The following PDE4B variants were observed in gnomAD, a reference collection of about 807,000 sequenced individuals.
PDE4B encodes the protein phosphodiesterase 4B, also known as 3',5'-cyclic-AMP phosphodiesterase 4B.
PDE4B carries 20 observed loss-of-function variants against 82.2 expected under a neutral mutation model. That is an observed-to-expected ratio of 0.24 (90% confidence interval 0.17 to 0.35). PDE4B has a LOEUF of 0.35. Among genes scored for constraint, PDE4B ranks in the 10% least tolerant of loss-of-function variants. PDE4B has a pLI of 1.00. For missense variants in PDE4B, 655 were observed against 907.2 expected (o/e 0.72, Z 3.57); for synonymous variants, 320 against 318.9 (o/e 1.00, Z -0.04).
intron 3 of PDE4B, among the ~76,000 whole-genome samples, chr1:66,037,016 C>T (rs559665903): frequency 4.6e-5 from 7 of 151,208 alleles, no homozygotes; most frequent in Admixed American, 2.0e-4. Flanking sequence ...ACCTGTAGTC[C>T]CAACTACTTG....
Position 66,105,584 on chromosome 1 carries a change from G to A in PDE4B, c.282-141876G>A, listed in dbSNP as rs976725291. 3.3e-5 allele frequency among the ~76,000 whole-genome samples: 5 copies of A among 152,100 alleles called. 1 individual carries two copies. The South Asian group carries it at 1.0e-3, about 32-fold the overall frequency. On this transcript the variant is annotated intron_variant, in intron 3 of 16. Coordinates refer to ENST00000341517, the MANE Select transcript of PDE4B (RefSeq NM_002600.4). ...TTCCTACCCATGAGCATGGAATGTTGTTCCATTTGTTGGTATCCTCTTTTA... is the reference window on the plus strand; with the variant it reads ...TTCCTACCCATGAGCATGGAATGTTATTCCATTTGTTGGTATCCTCTTTTA...
At chr1:65,849,436 A>G (rs1039316801) in intron 1 of PDE4B, among the ~76,000 whole-genome samples, 1 of 152,204 alleles carries the variant, frequency 6.6e-6, no homozygotes, top group Admixed American at 6.5e-5. Context: ...GTGCCAGGCT[A>G]GCAGTACTCC....
chr1:66,251,371 T>C (rs1466588807), intron 4 of PDE4B, among the ~76,000 whole-genome samples: 1 of 152,186 alleles, frequency 6.6e-6, no homozygotes, highest in African/African-American at 2.4e-5. Flanking sequence ...ACTATATGGA[T>C]ATCCAGTATG....
chr1:66,337,397 C>T (rs1890196), intron 8 of PDE4B, among the ~76,000 whole-genome samples: 68,667 of 152,044 alleles, frequency 0.45, 17,119 homozygotes, highest in East Asian at 0.81. Context: ...ACCCACTTCC[C>T]GGCCACACAA....
intron 3 of PDE4B, among the ~76,000 whole-genome samples, chr1:66,109,172 C>T (rs1645432221): frequency 6.6e-6 from 1 of 151,846 alleles, no homozygotes; most frequent in Non-Finnish European, 1.5e-5. Flanking sequence ...TAAAATAGAC[C>T]AACAGATGTT....
intron 3 of PDE4B, among the ~76,000 whole-genome samples, chr1:66,197,842 G>GA (rs965789150): frequency 1.1e-4 from 17 of 151,780 alleles, no homozygotes; most frequent in African/African-American, 2.9e-4. Context: ...TTGAGAGAGA[G>GA]AAAAAAAAGA....
At chr1:66,100,998 C>T (rs2101020606) in intron 3 of PDE4B, among the ~76,000 whole-genome samples, 1 of 152,182 alleles carries the variant, frequency 6.6e-6, no homozygotes, top group East Asian at 1.9e-4. Context: ...CACCCCACAA[C>T]AGGCCCCAGT....
intron 8 of PDE4B, among the ~76,000 whole-genome samples, chr1:66,340,890 A>G (rs999987564): frequency 3.3e-5 from 5 of 152,232 alleles, no homozygotes; most frequent in Non-Finnish European, 5.9e-5. Flanking sequence ...TATATAGGCT[A>G]TGCTAAAGCC....
At position 65,975,587 on chromosome 1, in the gene PDE4B, A is replaced by C. The variant is rs374094434; in HGVS notation, c.281+56752A>C. Among the ~76,000 whole-genome samples the C allele has an allele frequency of 1.6e-4, 25 of 152,302 alleles. No individual in the cohort carries two copies. The East Asian group carries it at 4.2e-3, about 26-fold the overall frequency. ...TTTCCAGGGCATTTCAGGGACCTTC[A>C]CTGCAGCTCCCATTACAGGCCCAGA... is the stretch of plus-strand genomic sequence containing the variant. On this transcript the variant is annotated intron_variant, in intron 3 of 16. Coordinates refer to ENST00000341517, the MANE Select transcript of PDE4B (RefSeq NM_002600.4).
intron 3 of PDE4B, among the ~76,000 whole-genome samples, chr1:66,107,398 C>A (rs893611066): frequency 2.0e-5 from 3 of 151,522 alleles, no homozygotes; most frequent in Non-Finnish European, 4.4e-5. Context: ...TGATGTCAAC[C>A]CATTTTCCTG....
At chr1:66,215,676 A>G (rs1241539046) in intron 3 of PDE4B, among the ~76,000 whole-genome samples, 3 of 152,236 alleles carry the variant, frequency 2.0e-5, no homozygotes, top group African/African-American at 7.2e-5. Context: ...ACATGCCCCC[A>G]GGTAAAGCAA....
chr1:66,359,650 A>G (rs987963485), intron 9 of PDE4B, among the ~76,000 whole-genome samples: 2 of 152,210 alleles, frequency 1.3e-5, no homozygotes, highest in Admixed American at 6.5e-5. Context: ...TGCTGGTCCT[A>G]CTAGAAATGG....
intron 1 of PDE4B, among the ~76,000 whole-genome samples, chr1:65,817,983 C>A (rs1346528996): frequency 6.6e-6 from 1 of 152,028 alleles, no homozygotes; most frequent in South Asian, 2.1e-4. Context: ...AAATATAGGG[C>A]CTCTTCTGCT....
At chr1:66,160,421 C>G (rs1416558816) in intron 3 of PDE4B, among the ~76,000 whole-genome samples, 1 of 152,160 alleles carries the variant, frequency 6.6e-6, no homozygotes, top group Admixed American at 6.5e-5. Flanking sequence ...AATTATATCT[C>G]CTTTCTATGG....
Position 66,325,372 on chromosome 1 carries a change from C to T in PDE4B, c.635-7136C>T, listed in dbSNP as rs766536651. Among the ~76,000 whole-genome samples the T allele has an allele frequency of 1.0e-3, 157 of 152,318 alleles. 3 individuals carry two copies. Among genetic ancestry groups the T allele is most frequent in the Non-Finnish European group, 2.6e-4 (18 of 68,026 alleles). ...AAAAGGGATTTCCAATATAATCATT[C>T]GCTACAATGGACAATACCACTCCTG... On this transcript the variant is annotated intron_variant, in intron 7 of 16. Coordinates refer to ENST00000341517, the MANE Select transcript of PDE4B (RefSeq NM_002600.4).
At chr1:66,242,790 T>A (rs1221020797) in intron 3 of PDE4B, among the ~76,000 whole-genome samples, 1 of 152,144 alleles carries the variant, frequency 6.6e-6, no homozygotes, top group East Asian at 1.9e-4. Flanking sequence ...TGTTTCTCCC[T>A]CCAAAATTGC....
At chr1:66,323,596 A>C (rs954596835) in intron 7 of PDE4B, among the ~76,000 whole-genome samples, 55 of 152,318 alleles carry the variant, frequency 3.6e-4, no homozygotes, top group African/African-American at 1.3e-3. Context: ...TTCAATAAAT[A>C]ATAGCCAACA....
chr1:65,883,765 C>G (rs1646737297), intron 1 of PDE4B, among the ~76,000 whole-genome samples: 1 of 152,130 alleles, frequency 6.6e-6, no homozygotes, highest in African/African-American at 2.4e-5. Context: ...CCAGTTTGTG[C>G]CCATTCAGTA....
At chr1:66,248,971 G>C (rs1653541615) in intron 4 of PDE4B, among the ~76,000 whole-genome samples, 1 of 152,180 alleles carries the variant, frequency 6.6e-6, no homozygotes, top group South Asian at 2.1e-4. Flanking sequence ...TCCCATGACT[G>C]TGTATCATGC....
Sources: gnomAD v4.1 joint callset for allele counts (sites outside exome capture counted in the v4.1 genomes callset) on GRCh38, gnomAD v4.1.1 for gene constraint, MANE v1.5 for transcripts, NCBI Gene and HGNC (gene_info 2026-07-23, HGNC 2026-07-21) for gene names.